NCAPH: variants seen among roughly 807,000 people sequenced by gnomAD.
NCAPH encodes the protein non-SMC condensin I complex subunit H.
A neutral mutation model predicts 85.5 loss-of-function variants in NCAPH; 38 were observed. That is an observed-to-expected ratio of 0.44 (90% confidence interval 0.34 to 0.58). NCAPH has a LOEUF of 0.58. Ranked by LOEUF, NCAPH falls within the 20% of genes least tolerant of loss-of-function variation. NCAPH has a pLI of 0.01. For missense variants in NCAPH, 789 were observed against 916.6 expected, an observed-to-expected ratio of 0.86 and a Z score of 1.80; for synonymous variants, 301 against 335.1, an observed-to-expected ratio of 0.90 and a Z score of 1.11.
intron 9 of NCAPH, among the ~76,000 whole-genome samples, chr2:96,355,066 A>G (rs1440092816): frequency 6.6e-6 from 1 of 152,140 alleles, no homozygotes; most frequent in East Asian, 1.9e-4. Flanking sequence ...AACAAAACCA[A>G]CCAATAAATT....
intron 1 of NCAPH, among the ~76,000 whole-genome samples, chr2:96,336,845 A>G (rs560168924): frequency 6.6e-6 from 1 of 152,244 alleles, no homozygotes; most frequent in African/African-American, 2.4e-5. Flanking sequence ...ACCAACGTTT[A>G]GAAGCTGGAT....
At position 96,335,779 on chromosome 2, in the gene NCAPH, G is replaced by T; in HGVS notation, c.-51G>T. ...CGTCACGCGGCCGTTACGGCGCTCA[G>T]GCGTCTCGACGCGCGCGATTTAAAA... On this transcript the variant is annotated 5_prime_UTR_variant, in exon 1 of 18. It adds an upstream start codon to the 5' untranslated region. Coordinates refer to ENST00000240423, the MANE Select transcript of NCAPH (RefSeq NM_015341.5). 1 of 1,465,506 alleles carries T rather than the reference G, an allele frequency of 6.8e-7. No individual in the cohort carries two copies. Among genetic ancestry groups the T allele is most frequent in the Non-Finnish European group, 9.0e-7 (1 of 1,108,278 alleles). 90.8% of individuals were successfully genotyped at this position (1,465,506 alleles called of 1,614,324 possible). A position where few individuals can be genotyped will look rare whatever the true frequency, so the allele number is the denominator to read the frequency against.
chr2:96,361,286 G>A (rs1208471798), intron 12 of NCAPH, among the ~76,000 whole-genome samples: 1 of 151,822 alleles, frequency 6.6e-6, no homozygotes, highest in African/African-American at 2.4e-5. Flanking sequence ...CTGACCTCAG[G>A]CGATCCACCC....
intron 6 of NCAPH, among the ~76,000 whole-genome samples, chr2:96,346,764 T>C (rs1208383042): frequency 6.6e-6 from 1 of 151,852 alleles, no homozygotes; most frequent in Non-Finnish European, 1.5e-5. Context: ...TCATGGTTAA[T>C]GAGTCAACTC....
chr2:96,358,191 G>A (rs973872880), intron 9 of NCAPH, among the ~76,000 whole-genome samples: 2 of 152,166 alleles, frequency 1.3e-5, no homozygotes, highest in Admixed American at 6.5e-5. Context: ...CTTTACACAC[G>A]GCAAAGAATA....
chr2:96,365,229 G>A (rs1248355749), intron 13 of NCAPH, among the ~76,000 whole-genome samples: 3 of 152,034 alleles, frequency 2.0e-5, no homozygotes, highest in African/African-American at 4.8e-5. Flanking sequence ...AGGGGGGAAC[G>A]AACTGGAAAA....
rs940969992 is a variant in NCAPH at position 96,342,207 on chromosome 2, G to T, written c.363+67G>T. ...ATCACAGGGGAAATCCAGCTATCTT[G>T]TTTCTGTAGATAATGCACAATCAAT... On this transcript the variant is annotated intron_variant, in intron 3 of 17. Transcript: ENST00000240423. 7 of 1,336,174 alleles carry T rather than the reference G, an allele frequency of 5.2e-6. No homozygotes were observed. In the Admixed American group the frequency reaches 6.8e-5, roughly 13 times the overall value. 82.8% of individuals were successfully genotyped at this position (1,336,174 alleles called of 1,614,324 possible). A position where few individuals can be genotyped will look rare whatever the true frequency, so the allele number is the denominator to read the frequency against.
intron 1 of NCAPH, among the ~76,000 whole-genome samples, chr2:96,336,502 G>C (rs1339277920): frequency 1.3e-5 from 2 of 152,188 alleles, no homozygotes; most frequent in Non-Finnish European, 2.9e-5. Flanking sequence ...AAATGAGGCA[G>C]GGAAGAGCCT....
chr2:96,359,258 A>T, intron 10 of NCAPH, 65 bp downstream of exon 10: 1 of 1,581,932 alleles, frequency 6.3e-7, no homozygotes, highest in Non-Finnish European at 8.6e-7. Context: ...GTCAGCAGTT[A>T]GCCAAGGAAA....
Position 96,344,115 on chromosome 2 carries a change from T to C in NCAPH, c.606T>C (p.Ala202=). ...TATTTCTCCTTTTAGATGGAAGTGCTACTGAAATGGGAACAACCAAAAAGG... is the reference window on the plus strand; with the variant it reads ...TATTTCTCCTTTTAGATGGAAGTGCCACTGAAATGGGAACAACCAAAAAGG... ...EVEGHVADGS[A]TEMGTTKKAV... The change falls in exon 6 of 18, where the codon GCT becomes GCC. Residue 202 remains alanine, a synonymous_variant. Coordinates refer to ENST00000240423, the MANE Select transcript of NCAPH (RefSeq NM_015341.5). 1 of 1,611,858 alleles carries C rather than the reference T, an allele frequency of 6.2e-7. No homozygotes were observed. The highest frequency in any genetic ancestry group is 8.5e-7 in the Non-Finnish European group (1 of 1,179,406).
chr2:96,374,101 T>C lies in NCAPH; in HGVS notation c.*750T>C, dbSNP rs138304356. On this transcript the variant is annotated 3_prime_UTR_variant, in exon 18 of 18. Transcript: ENST00000240423. ...CTTGTCCCTTCTGTACATTGCTTCA[T>C]GTAGCCTTCTCAGCATCCCTAGGAG... 8.9e-3 allele frequency among the ~76,000 whole-genome samples: 1,354 copies of C among 152,344 alleles called. 66 individuals are homozygous for C. Among genetic ancestry groups the C allele is most frequent in the Admixed American group, 0.065 (993 of 15,292 alleles).
intron 5 of NCAPH, among the ~76,000 whole-genome samples, chr2:96,343,507 A>T (rs2064323604): frequency 1.3e-5 from 2 of 152,234 alleles, no homozygotes. Context: ...GAAGGGCCTT[A>T]TAAAAGCGTT....
intron 13 of NCAPH, 62 bp downstream of exon 13, chr2:96,364,653 C>T: frequency 8.7e-7 from 1 of 1,149,880 alleles, no homozygotes; most frequent in Non-Finnish European, 1.3e-6. Flanking sequence ...TTCTCTGCTT[C>T]TCATGTCCCC....
chr2:96,339,114 T>C (rs2064256456), intron 1 of NCAPH, among the ~76,000 whole-genome samples: 1 of 152,176 alleles, frequency 6.6e-6, no homozygotes, highest in Admixed American at 6.5e-5. Flanking sequence ...CCCAGCCACA[T>C]GTGTGTTTAA....
intron 12 of NCAPH, 29 bp downstream of exon 12, chr2:96,360,739 A>G: frequency 6.2e-7 from 1 of 1,613,326 alleles, no homozygotes; most frequent in Non-Finnish European, 8.5e-7. Context: ...TCCTTTAAGC[A>G]CACAAGGTAT....
At chr2:96,348,955 G>A (rs1254493872) in intron 6 of NCAPH, among the ~76,000 whole-genome samples, 1 of 152,108 alleles carries the variant, frequency 6.6e-6, no homozygotes, top group African/African-American at 2.4e-5. Context: ...GGCCCTTACT[G>A]TCATTCTTGC....
At chr2:96,357,776 A>G (rs912424058) in intron 9 of NCAPH, among the ~76,000 whole-genome samples, 1 of 152,198 alleles carries the variant, frequency 6.6e-6, no homozygotes, top group African/African-American at 2.4e-5. Context: ...CTGTATGTAA[A>G]GACAAAATCC....
intron 6 of NCAPH, among the ~76,000 whole-genome samples, chr2:96,345,177 C>A (rs79769600): frequency 0.024 from 3,637 of 152,118 alleles, 141 homozygotes; most frequent in African/African-American, 0.084. Context: ...GCGTGGTATC[C>A]AAATGAGAAA....
At chr2:96,342,884 T>A in intron 4 of NCAPH, 36 bp downstream of exon 4, 1 of 1,538,386 alleles carries the variant, frequency 6.5e-7, no homozygotes. Context: ...GCATCTGAAT[T>A]AAATGATGAT....
Sources: allele counts gnomAD v4.1 joint callset (sites outside exome capture counted in the v4.1 genomes callset), GRCh38; gene constraint gnomAD v4.1.1; transcripts MANE v1.5; gene names NCBI Gene and HGNC (gene_info 2026-07-23, HGNC 2026-07-21).